B3GAT2: variants seen among roughly 807,000 people sequenced by gnomAD.
B3GAT2 encodes galactosylgalactosylxylosylprotein 3-beta-glucuronosyltransferase 2.
In B3GAT2, 26 loss-of-function variants were observed where a neutral mutation model predicts 27.8. The observed-to-expected ratio is 0.93, with a 90% confidence interval of 0.68 to 1.30. B3GAT2 has a LOEUF of 1.30. B3GAT2 is among the 50% of genes most tolerant of loss of function. The probability of loss-of-function intolerance (pLI) is 0.00; values close to 1 mark genes in which losing one functional copy is unlikely to be tolerated. For synonymous variants in B3GAT2, 218 were observed against 195.1 expected (o/e 1.12, Z -0.98); for missense variants, 458 against 459.0 (o/e 1.00, Z 0.02).
At chr6:70,918,190 T>G (rs948605767) in intron 1 of B3GAT2, among the ~76,000 whole-genome samples, 8 of 152,222 alleles carry the variant, frequency 5.3e-5, no homozygotes, top group Non-Finnish European at 2.9e-5. Flanking sequence ...TCTTTGTTGC[T>G]TTAAAGTCTG....
intron 1 of B3GAT2, among the ~76,000 whole-genome samples, chr6:70,945,001 C>T (rs950614703): frequency 6.6e-6 from 1 of 152,186 alleles, no homozygotes; most frequent in Non-Finnish European, 1.5e-5. Context: ...AACAGACCTG[C>T]AGCTGAGGGT....
At chr6:70,945,805 G>T (rs369746675) in intron 1 of B3GAT2, among the ~76,000 whole-genome samples, 7 of 150,828 alleles carry the variant, frequency 4.6e-5, no homozygotes, top group East Asian at 1.9e-4. Context: ...GGAAAAAATG[G>T]TAAGGGCAGC....
At chr6:70,894,571 C>T (rs1424295255) in intron 1 of B3GAT2, among the ~76,000 whole-genome samples, 1 of 152,184 alleles carries the variant, frequency 6.6e-6, no homozygotes, top group Non-Finnish European at 1.5e-5. Flanking sequence ...CAGATATTTT[C>T]CTATTTGTTT....
rs1021502497 is a variant in B3GAT2, at chr6:70,881,745, G to T, written c.736+12383C>A. ...GCTTGATGGCATGTGTCTGAGGCAC[G>T]GCCCCCTTCAGCCCACTGGATCTCT... On this transcript the variant is annotated intron_variant, in intron 2 of 3. Coordinates refer to ENST00000230053, the MANE Select transcript of B3GAT2 (RefSeq NM_080742.3). Among the ~76,000 whole-genome samples the T allele has an allele frequency of 2.0e-5, 3 of 152,226 alleles. No homozygotes were observed. The South Asian group carries it at 6.2e-4, about 32-fold the overall frequency.
At chr6:70,935,632 G>C (rs1765257909) in intron 1 of B3GAT2, among the ~76,000 whole-genome samples, 1 of 152,014 alleles carries the variant, frequency 6.6e-6, no homozygotes, top group Non-Finnish European at 1.5e-5. Flanking sequence ...CAAAAGTTTT[G>C]CAACAGTTTA....
At position 70,858,271 on chromosome 6, in the gene B3GAT2, G is replaced by C; in HGVS notation, c.*3392C>G. The C allele has an allele frequency of 2.1e-4, 85 of 404,798 alleles. No homozygotes were observed. The highest frequency in any genetic ancestry group is 3.2e-4 in the Non-Finnish European group (72 of 224,232). The allele number at this position is 404,798 out of a possible 1,614,324, so 25.1% of individuals were successfully genotyped here. A position where few individuals can be genotyped will look rare whatever the true frequency, so the allele number is the denominator to read the frequency against. On this transcript the variant is annotated 3_prime_UTR_variant, in exon 4 of 4. Coordinates refer to ENST00000230053, the MANE Select transcript of B3GAT2 (RefSeq NM_080742.3). The stretch of plus-strand genomic sequence containing the variant: ...TTCTAGCTTCTCCCAAATCAAACCA[G>C]ATTTATTTTCTAAATCTTTTTTTTT...
chr6:70,878,953 C>T (rs1206683427), intron 2 of B3GAT2, among the ~76,000 whole-genome samples: 2 of 152,080 alleles, frequency 1.3e-5, no homozygotes, highest in African/African-American at 2.4e-5. Context: ...CACCAGCAGG[C>T]ATTGAAATAT....
Position 70,956,118 on chromosome 6 carries a change from C to A in B3GAT2, c.312G>T (p.Thr104=). The A allele has an allele frequency of 2.5e-6, 4 of 1,601,992 alleles. No homozygotes were observed. Among genetic ancestry groups the A allele is most frequent in the Non-Finnish European group, 2.6e-6 (3 of 1,175,136 alleles). ...AGTGCAGCTGCGCCACCTGGCGGAA[C>A]GTGTTGGCCAGGCGGGTCAGCTCCG... is the stretch of plus-strand genomic sequence containing the variant. The part of the protein sequence containing the change: ...QKAELTRLAN[T]FRQVAQLHWI... The change falls in exon 1 of 4, where the codon ACG becomes ACT. Residue 104 remains threonine, a synonymous_variant. Transcript: ENST00000230053.
chr6:70,860,377 C>T lies in B3GAT2; in HGVS notation c.*1286G>A. On this transcript the variant is annotated 3_prime_UTR_variant, in exon 4 of 4. Transcript: ENST00000230053. ...TCATCCAGAACTACCACCTGACATT[C>T]CTTGCTGAAACGCATCTAGTTCCCC... 2 of 1,571,624 alleles carry T rather than the reference C, an allele frequency of 1.3e-6. No individual in the cohort carries two copies. Among genetic ancestry groups the T allele is most frequent in the Non-Finnish European group, 1.7e-6 (2 of 1,159,602 alleles).
rs563750640 is a variant in B3GAT2 at position 70,944,956 on chromosome 6, C to T, written c.591+10883G>A. 7.9e-5 allele frequency among the ~76,000 whole-genome samples: 12 copies of T among 152,296 alleles called. No homozygotes were observed. In the East Asian group the frequency reaches 2.1e-3, roughly 27 times the overall value. Reference sequence around the variant, plus strand: ...GCAGCCACCGCTGCTGATAACCAGGCAAACAGGGTCTGGAGTGGATCTCTA... The same window carrying T: ...GCAGCCACCGCTGCTGATAACCAGGTAAACAGGGTCTGGAGTGGATCTCTA... On this transcript the variant is annotated intron_variant, in intron 1 of 3. Transcript: ENST00000230053.
At chr6:70,925,584 C>A (rs1772942032) in intron 1 of B3GAT2, among the ~76,000 whole-genome samples, 1 of 152,178 alleles carries the variant, frequency 6.6e-6, no homozygotes, top group Non-Finnish European at 1.5e-5. Flanking sequence ...GCAAGACGGC[C>A]CCAAGACTGG....
chr6:70,941,036 C>T (rs1043451348), intron 1 of B3GAT2, among the ~76,000 whole-genome samples: 4 of 152,150 alleles, frequency 2.6e-5, no homozygotes, highest in Admixed American at 6.5e-5. Context: ...CTCACTTCCT[C>T]CCAGGACTCT....
At chr6:70,926,951 A>G (rs1772971921) in intron 1 of B3GAT2, among the ~76,000 whole-genome samples, 5 of 152,340 alleles carry the variant, frequency 3.3e-5, no homozygotes, top group African/African-American at 1.2e-4. Flanking sequence ...CCACAAAGGG[A>G]AGCCCATCAG....
In B3GAT2 at chr6:70,956,499, G is replaced by A; in HGVS notation, c.-70C>T. ...CCGAGGGACCCCAGTGCGCAGCTTGGACAGCGGCGGCGCCAGCACTTAGGG... is the reference window on the plus strand; with the variant it reads ...CCGAGGGACCCCAGTGCGCAGCTTGAACAGCGGCGGCGCCAGCACTTAGGG... On this transcript the variant is annotated 5_prime_UTR_variant, in exon 1 of 4. Transcript: ENST00000230053. The A allele has an allele frequency of 6.5e-7, 1 of 1,544,104 alleles. No homozygotes were observed. Among genetic ancestry groups the A allele is most frequent in the South Asian group, 1.2e-5 (1 of 83,096 alleles).
intron 1 of B3GAT2, among the ~76,000 whole-genome samples, chr6:70,913,088 C>A (rs1772714165): frequency 1.3e-5 from 2 of 152,082 alleles, no homozygotes; most frequent in South Asian, 4.2e-4. Flanking sequence ...AGTGGTCTAT[C>A]CATCTTATTT....
intron 2 of B3GAT2, among the ~76,000 whole-genome samples, chr6:70,871,106 T>C (rs1771927218): frequency 2.0e-5 from 3 of 151,974 alleles, no homozygotes; most frequent in Admixed American, 1.3e-4. Flanking sequence ...TCTTACCTGC[T>C]CATGGTGTAT....
chr6:70,955,717 G>C (rs1040983200), intron 1 of B3GAT2, 122 bp downstream of exon 1: 17 of 1,187,214 alleles, frequency 1.4e-5, no homozygotes, highest in Non-Finnish European at 1.8e-5. Flanking sequence ...CCCCGAATGC[G>C]CGCACGGAGA....
Position 70,866,676 on chromosome 6 carries a change from G to A in B3GAT2, c.737-4698C>T, listed in dbSNP as rs972347908. 6.6e-5 allele frequency among the ~76,000 whole-genome samples: 10 copies of A among 152,168 alleles called. No individual in the cohort carries two copies. In the South Asian group the frequency reaches 8.3e-4, roughly 13 times the overall value. On this transcript the variant is annotated intron_variant, in intron 2 of 3. Coordinates refer to ENST00000230053, the MANE Select transcript of B3GAT2 (RefSeq NM_080742.3). ...AAGGCAAGACCAACACACACACACC[G>A]TACAGAGTCACAGGAACAGAGTCAA...
intron 1 of B3GAT2, among the ~76,000 whole-genome samples, chr6:70,920,104 C>T (rs1016455939): frequency 6.6e-6 from 1 of 151,680 alleles, no homozygotes; most frequent in Admixed American, 6.5e-5. Flanking sequence ...GAGCATAGAA[C>T]CGCTTACTCA....
Sources: gnomAD v4.1 joint callset for allele counts (sites outside exome capture counted in the v4.1 genomes callset) on GRCh38, gnomAD v4.1.1 for gene constraint, MANE v1.5 for transcripts, NCBI Gene and HGNC (gene_info 2026-07-23, HGNC 2026-07-21) for gene names.